Variants in GRK7 observed in about 807,000 individuals in gnomAD.
The protein encoded by GRK7 is rhodopsin kinase GRK7.
GRK7 carries 24 observed loss-of-function variants against 34.1 expected under a neutral mutation model. That is an observed-to-expected ratio of 0.70 (90% CI 0.51 to 0.99). The LOEUF is 0.99. Among genes scored for constraint, GRK7 ranks in the 50% least tolerant of loss-of-function variants. The pLI, the probability that GRK7 is intolerant of heterozygous loss-of-function variation, is 0.00. For missense variants in GRK7, 644 were observed against 707.3 expected, an observed-to-expected ratio of 0.91 and a Z score of 1.02; for synonymous variants, 256 against 279.4, an observed-to-expected ratio of 0.92 and a Z score of 0.84.
chr3:141,811,898 G>A (rs1425353025), intron 5 of GRK7, among the ~76,000 whole-genome samples: 1 of 152,188 alleles, frequency 6.6e-6, no homozygotes, highest in Non-Finnish European at 1.5e-5. Flanking sequence ...TTGCAGAGAA[G>A]CCAAAAGCTT....
intron 1 of GRK7, among the ~76,000 whole-genome samples, chr3:141,769,212 G>A (rs2084604928): frequency 6.6e-6 from 1 of 152,024 alleles, no homozygotes; most frequent in African/African-American, 2.4e-5. Context: ...CCCTGTCTTG[G>A]TGAATGACAT....
chr3:141,773,483 G>A (rs2084625875), intron 1 of GRK7, among the ~76,000 whole-genome samples: 1 of 151,940 alleles, frequency 6.6e-6, no homozygotes, highest in Non-Finnish European at 1.5e-5. Context: ...GATGATTGAT[G>A]GTCATGATTT....
chr3:141,800,468 C>A (rs879191031), intron 4 of GRK7, among the ~76,000 whole-genome samples: 1 of 146,032 alleles, frequency 6.8e-6, no homozygotes, highest in African/African-American at 2.5e-5. Context: ...AAAACAAGAA[C>A]GATGCAGGGA....
chr3:141,805,446 G>A (rs1454572589), intron 4 of GRK7, among the ~76,000 whole-genome samples: 1 of 152,196 alleles, frequency 6.6e-6, no homozygotes, highest in Admixed American at 6.5e-5. Context: ...CCTCAGAGGC[G>A]CCTACAGGAC....
At position 141,764,975 on chromosome 3, in the gene GRK7, G is replaced by A. The variant is rs1005049201; in HGVS notation, c.-978G>A. On this transcript the variant is annotated 5_prime_UTR_variant, in exon 1 of 6. Transcript: ENST00000682958. ...CCCCTGATTTCTCACCAGGGTTACT[G>A]CAGCAGCCTCCAGACTGGTTTTTCT... Among the ~76,000 whole-genome samples the A allele has an allele frequency of 6.6e-6, 1 of 152,242 alleles. No homozygotes were observed. Among genetic ancestry groups the A allele is most frequent in the Middle Eastern group, 3.4e-3 (1 of 294 alleles).
intron 1 of GRK7, among the ~76,000 whole-genome samples, 153 bp from the exon 2 acceptor site, chr3:141,774,427 A>G (rs1433648293): frequency 6.6e-6 from 1 of 152,162 alleles, no homozygotes; most frequent in Non-Finnish European, 1.5e-5. Flanking sequence ...GTCTCAAAAA[A>G]GAAAAAAAAG....
At chr3:141,750,205 A>C in the GRK7 span, among the ~76,000 whole-genome samples, 1 of 152,186 alleles carries the variant, frequency 6.6e-6, no homozygotes, top group African/African-American at 2.4e-5. Context: ...TTTCATTTTC[A>C]TAGCCTTTCA....
intron 4 of GRK7, among the ~76,000 whole-genome samples, chr3:141,786,727 A>T (rs2084698235): frequency 6.6e-6 from 1 of 152,006 alleles, no homozygotes; most frequent in African/African-American, 2.4e-5. Context: ...GCAGTAAGCC[A>T]AGATCACGCC....
At chr3:141,760,759 T>C (rs1422115267), upstream of GRK7, among the ~76,000 whole-genome samples, 2 of 141,964 alleles carry the variant, frequency 1.4e-5, no homozygotes, top group Admixed American at 7.2e-5. Context: ...TAAGTCTCTT[T>C]GTAGGTCACT....
chr3:141,790,364 G>A (rs1447550409), intron 4 of GRK7, among the ~76,000 whole-genome samples: 2 of 152,158 alleles, frequency 1.3e-5, no homozygotes, highest in Admixed American at 1.3e-4. Flanking sequence ...ATAAGTGCAT[G>A]TGATGACATT....
At position 141,807,726 on chromosome 3, in the gene GRK7, G is replaced by T. The variant is rs767830659; in HGVS notation, c.1132G>T (p.Gly378Ter). ...YSYPVDWFAM[G>*]CSIYEMVAGR... ...CTATCCTGTGGACTGGTTTGCCATG[G>T]GATGCAGCATTTATGAAATGGTTGC... The change falls in exon 5 of 6, where the codon GGA (glycine) becomes TGA (stop). Residue 378 changes from glycine (G) to a stop codon, truncating the protein, a stop_gained. Transcript: ENST00000682958. LOFTEE classifies it high-confidence loss of function. The T allele has an allele frequency of 5.0e-6, 8 of 1,614,104 alleles. No homozygotes were observed. Among genetic ancestry groups the T allele is most frequent in the Middle Eastern group, 1.6e-4 (1 of 6,062 alleles).
At chr3:141,795,824 G>A (rs532651015) in intron 4 of GRK7, among the ~76,000 whole-genome samples, 3 of 152,068 alleles carry the variant, frequency 2.0e-5, no homozygotes, top group African/African-American at 7.2e-5. Context: ...GAAGGAGTTA[G>A]AATGAGCACA....
intron 4 of GRK7, among the ~76,000 whole-genome samples, chr3:141,784,960 G>A (rs568737185): frequency 7.2e-5 from 11 of 152,298 alleles, no homozygotes; most frequent in Non-Finnish European, 1.3e-4. Flanking sequence ...GCGATGCCCT[G>A]AGCCATCTCA....
chr3:141,814,441 T>A (rs770556570), intron 5 of GRK7, among the ~76,000 whole-genome samples: 9 of 152,202 alleles, frequency 5.9e-5, no homozygotes, highest in Non-Finnish European at 1.2e-4. Context: ...GTTTACCCAA[T>A]GTTTAGCTCC....
At chr3:141,774,481 C>G (rs906900846) in intron 1 of GRK7, among the ~76,000 whole-genome samples, 99 bp from the exon 2 acceptor site, 10 of 152,042 alleles carry the variant, frequency 6.6e-5, no homozygotes, top group Admixed American at 5.9e-4. Context: ...AATAGACCTT[C>G]AAGAAGTTCA....
chr3:141,753,789 T>C, the GRK7 span, among the ~76,000 whole-genome samples: 1 of 152,258 alleles, frequency 6.6e-6, no homozygotes, highest in Non-Finnish European at 1.5e-5. Flanking sequence ...TAAGAGCATA[T>C]GAAGATATCA....
In GRK7 at chr3:141,816,793, C is replaced by T. The variant is rs1333522794; in HGVS notation, c.1405C>T (p.Pro469Ser). 6 of 1,597,674 alleles carry T rather than the reference C, an allele frequency of 3.8e-6. No individual in the cohort carries two copies. The highest frequency in any genetic ancestry group is 2.2e-5 in the South Asian group (2 of 89,382). Residue 469 changes from proline to serine, a missense_variant, in exon 6 of 6, where the codon CCC (proline) becomes TCC (serine). By Grantham distance (74) the Pro-to-Ser change is moderately conservative. Coordinates refer to ENST00000682958, the MANE Select transcript of GRK7 (RefSeq NM_139209.3). ...TCGCCTGGAAGCTGGCCTAATTGAACCCCCATTTGTGCCAGACCCTTCAGT... is the reference window on the plus strand; with the variant it reads ...TCGCCTGGAAGCTGGCCTAATTGAATCCCCATTTGTGCCAGACCCTTCAGT... The part of the protein sequence containing the change: ...FPRLEAGLIE[P>S]PFVPDPSVVY...
intron 4 of GRK7, among the ~76,000 whole-genome samples, chr3:141,784,221 G>T (rs962105216): frequency 1.3e-5 from 2 of 152,122 alleles, no homozygotes; most frequent in Non-Finnish European, 2.9e-5. Context: ...CATCTGGAAC[G>T]TGCAGGAAGG....
intron 4 of GRK7, among the ~76,000 whole-genome samples, chr3:141,783,213 C>T (rs1379524314): frequency 6.6e-6 from 1 of 152,188 alleles, no homozygotes; most frequent in Non-Finnish European, 1.5e-5. Context: ...ATGTCACTGG[C>T]TAAGACTGTG....
Sources: gnomAD v4.1 joint callset for allele counts (sites outside exome capture counted in the v4.1 genomes callset) on GRCh38, gnomAD v4.1.1 for gene constraint, MANE v1.5 for transcripts, NCBI Gene and HGNC (gene_info 2026-07-23, HGNC 2026-07-21) for gene names.